UNC5D: variants seen among roughly 807,000 people sequenced by gnomAD.
UNC5D encodes the protein netrin receptor UNC5D.
A neutral mutation model predicts 105.4 loss-of-function variants in UNC5D; 39 were observed. The ratio of observed to expected loss-of-function variants is 0.37; its 90% CI spans 0.29 to 0.48. The LOEUF is 0.48. Among genes scored for constraint, UNC5D ranks in the 20% least tolerant of loss-of-function variants. The pLI, the probability that UNC5D is intolerant of heterozygous loss-of-function variation, is 0.98. For missense variants in UNC5D, 991 were observed against 1,202.4 expected (o/e 0.82, Z 2.60); for synonymous variants, 452 against 450.4 (o/e 1.00, Z -0.04).
At chr8:35,615,212 G>A (rs534159032) in intron 4 of UNC5D, among the ~76,000 whole-genome samples, 34 of 152,212 alleles carry the variant, frequency 2.2e-4, no homozygotes, top group African/African-American at 7.2e-4. Context: ...GCACTCCAGC[G>A]TGGGGCCAGA....
At chr8:35,235,921 A>T in intron 1 of UNC5D, 34 bp downstream of exon 1, 2 of 1,167,436 alleles carry the variant, frequency 1.7e-6, no homozygotes, top group South Asian at 9.0e-5. Flanking sequence ...GCTGGGGGCG[A>T]GGGCGCAGGG....
intron 1 of UNC5D, among the ~76,000 whole-genome samples, chr8:35,402,558 C>G (rs1046984999): frequency 1.3e-5 from 2 of 152,086 alleles, no homozygotes; most frequent in Non-Finnish European, 2.9e-5. Flanking sequence ...ATATCATCAC[C>G]TACATGAGAA....
chr8:35,650,986 G>A (rs2131180455), intron 4 of UNC5D, among the ~76,000 whole-genome samples: 1 of 152,248 alleles, frequency 6.6e-6, no homozygotes, highest in Non-Finnish European at 1.5e-5. Flanking sequence ...TTGGATCTGT[G>A]GTCATGTGAC....
At chr8:35,660,110 A>C (rs927530176) in intron 4 of UNC5D, among the ~76,000 whole-genome samples, 1 of 152,224 alleles carries the variant, frequency 6.6e-6, no homozygotes, top group African/African-American at 2.4e-5. Flanking sequence ...AATAAAATGC[A>C]AATATCCAGG....
chr8:35,554,713 A>G (rs545074667), intron 2 of UNC5D, among the ~76,000 whole-genome samples: 23 of 152,370 alleles, frequency 1.5e-4, no homozygotes, highest in Non-Finnish European at 2.8e-4. Context: ...TTCAATAAAA[A>G]TAGGAATTCT....
At chr8:35,616,540 A>G (rs2131007013) in intron 4 of UNC5D, among the ~76,000 whole-genome samples, 1 of 152,214 alleles carries the variant, frequency 6.6e-6, no homozygotes, top group East Asian at 1.9e-4. Context: ...ACTCTGCACT[A>G]CTTTCAGCTT....
intron 1 of UNC5D, among the ~76,000 whole-genome samples, chr8:35,251,377 A>G (rs933070289): frequency 3.3e-5 from 5 of 152,108 alleles, no homozygotes; most frequent in African/African-American, 4.8e-5. Flanking sequence ...CGTGAGAACC[A>G]CCCCCATGAT....
chr8:35,766,873 A>C, intron 14 of UNC5D, 29 bp from the exon 15 acceptor site: 1 of 1,595,732 alleles, frequency 6.3e-7, no homozygotes, highest in Non-Finnish European at 8.6e-7. Context: ...GGCTCTGCAC[A>C]CCATCCCTTC....
intron 3 of UNC5D, among the ~76,000 whole-genome samples, chr8:35,572,421 A>G (rs1328306640): frequency 1.3e-5 from 2 of 152,144 alleles, no homozygotes; most frequent in East Asian, 3.9e-4. Flanking sequence ...ACCTTAGCCA[A>G]TGTTTACAAA....
intron 1 of UNC5D, among the ~76,000 whole-genome samples, chr8:35,423,852 CTT>C (rs200270722): frequency 2.4e-4 from 33 of 135,002 alleles, no homozygotes; most frequent in South Asian, 2.4e-4. Context: ...ATAAGGAGTA[CTT>C]TTTTTTTTTT....
intron 1 of UNC5D, among the ~76,000 whole-genome samples, chr8:35,343,378 G>A (rs1246472005): frequency 6.6e-6 from 1 of 151,800 alleles, no homozygotes; most frequent in African/African-American, 2.4e-5. Flanking sequence ...TAACCTGATG[G>A]GCAAATAATA....
chr8:35,549,521 G>T lies in UNC5D; in HGVS notation c.322+11G>T, dbSNP rs147748256. On this transcript the variant is annotated intron_variant, in intron 2 of 16. Transcript: ENST00000404895. ...TGGACGAGAGCTCAGGTAGGAGCGT[G>T]CAGCAGTCAGAAGCAGCTGTGGTGA... 1.3e-3 allele frequency: 2,131 copies of T among 1,608,598 alleles called. 31 individuals are homozygous for T. The African/African-American group carries it at 0.025, about 19-fold the overall frequency.
intron 1 of UNC5D, among the ~76,000 whole-genome samples, chr8:35,262,908 T>C (rs1278977275): frequency 1.3e-5 from 2 of 152,178 alleles, no homozygotes; most frequent in African/African-American, 4.8e-5. Context: ...AGAAATCTAT[T>C]TCTAAAAGCC....
intron 2 of UNC5D, among the ~76,000 whole-genome samples, chr8:35,563,677 C>T (rs964899506): frequency 6.6e-6 from 1 of 151,974 alleles, no homozygotes; most frequent in African/African-American, 2.4e-5. Context: ...TAAAAGTGGA[C>T]ATCCTTGTTG....
intron 4 of UNC5D, among the ~76,000 whole-genome samples, chr8:35,637,299 C>T (rs949781959): frequency 6.6e-6 from 1 of 152,168 alleles, no homozygotes; most frequent in Non-Finnish European, 1.5e-5. Context: ...TCTAGCACAA[C>T]TAGGATCAAT....
At chr8:35,644,016 G>T (rs540867910) in intron 4 of UNC5D, among the ~76,000 whole-genome samples, 3 of 152,060 alleles carry the variant, frequency 2.0e-5, no homozygotes, top group Non-Finnish European at 2.9e-5. Context: ...TTGAGCCATC[G>T]GCTATGTTTC....
intron 1 of UNC5D, among the ~76,000 whole-genome samples, chr8:35,333,508 A>G (rs933029222): frequency 6.6e-6 from 1 of 152,016 alleles, no homozygotes; most frequent in Non-Finnish European, 1.5e-5. Flanking sequence ...TGTTTTTGAG[A>G]GGGAGTTTCG....
At chr8:35,493,201 C>A (rs74880448) in intron 1 of UNC5D, among the ~76,000 whole-genome samples, 2,145 of 146,268 alleles carry the variant, frequency 0.015, 26 homozygotes, top group South Asian at 0.035. Context: ...TTCTCTGTAC[C>A]CCAACAACAA....
intron 1 of UNC5D, among the ~76,000 whole-genome samples, chr8:35,305,476 A>G (rs1178043208): frequency 6.6e-6 from 1 of 152,136 alleles, no homozygotes; most frequent in Non-Finnish European, 1.5e-5. Flanking sequence ...GGTTTTTAGT[A>G]AAATACCATA....
Sources: gnomAD v4.1 joint callset for allele counts (sites outside exome capture counted in the v4.1 genomes callset) on GRCh38, gnomAD v4.1.1 for gene constraint, MANE v1.5 for transcripts, NCBI Gene and HGNC (gene_info 2026-07-23, HGNC 2026-07-21) for gene names.